Variants in PCM1 observed in about 807,000 individuals in gnomAD.
PCM1 encodes the protein pericentriolar material 1, also known as pericentriolar material 1 protein.
Under a neutral mutation model 241.9 loss-of-function variants are expected in PCM1, and 157 were observed. The ratio of observed to expected loss-of-function variants is 0.65; its 90% CI spans 0.57 to 0.74. The LOEUF (loss-of-function observed/expected upper bound fraction) is 0.74, where lower values mean the gene tolerates loss of function less well. Among genes scored for constraint, PCM1 ranks in the 30% least tolerant of loss-of-function variants. The pLI, the probability that PCM1 is intolerant of heterozygous loss-of-function variation, is 0.00. For synonymous variants in PCM1, 1,085 were observed against 784.9 expected (o/e 1.38, Z -6.39); for missense variants, 3,478 against 2,360.1 (o/e 1.47, Z -9.81).
chr8:18,027,430 A>G (rs1010747989), intron 38 of PCM1, among the ~76,000 whole-genome samples: 2 of 152,214 alleles, frequency 1.3e-5, no homozygotes, highest in Non-Finnish European at 2.9e-5. Flanking sequence ...GACACGAAGT[A>G]TCTGCTCAGT....
At chr8:17,962,339 T>G (rs2072702583) in intron 16 of PCM1, 165 bp downstream of exon 16, 2 of 345,942 alleles carry the variant, frequency 5.8e-6, no homozygotes, top group Non-Finnish European at 1.0e-5. Flanking sequence ...TGTAATAGAT[T>G]ATAATAATAT....
chr8:17,957,162 A>G (rs552533387), intron 11 of PCM1, 102 bp from the exon 12 acceptor site: 11 of 866,198 alleles, frequency 1.3e-5, no homozygotes, highest in African/African-American at 8.4e-5. Flanking sequence ...ATAGCCAACA[A>G]TGTGCTTGGT....
Position 18,029,551 on chromosome 8 carries a change from C to T in PCM1, c.*1889C>T. The T allele has an allele frequency of 4.9e-6, 1 of 205,766 alleles. No homozygotes were observed. The highest frequency in any genetic ancestry group is 9.9e-6 in the Non-Finnish European group (1 of 101,266). 12.7% of individuals were successfully genotyped at this position (205,766 alleles called of 1,614,324 possible). On this transcript the variant is annotated 3_prime_UTR_variant, in exon 39 of 39. Transcript: ENST00000325083. ...ATTGTATTTATATCTTAGTTATTAC[C>T]ATAGTACCTATGAACCTTATCAAAA...
chr8:17,957,172 T>G, intron 11 of PCM1, 92 bp from the exon 12 acceptor site: 3 of 977,886 alleles, frequency 3.1e-6, no homozygotes, highest in Non-Finnish European at 3.0e-6. Context: ...ATGTGCTTGG[T>G]TTGGTGTTAT....
At chr8:17,970,861 A>G (rs1587352886) in intron 22 of PCM1, among the ~76,000 whole-genome samples, 2 of 152,186 alleles carry the variant, frequency 1.3e-5, no homozygotes, top group Admixed American at 1.3e-4. Flanking sequence ...TCATTTCCCA[A>G]AATCTCAACT....
chr8:17,963,871 T>G (rs1307487554), intron 17 of PCM1, among the ~76,000 whole-genome samples: 1 of 152,228 alleles, frequency 6.6e-6, no homozygotes, highest in Admixed American at 6.5e-5. Context: ...AGATGGCATT[T>G]CTGGAATTTC....
intron 13 of PCM1, 34 bp downstream of exon 13, chr8:17,957,809 G>T (rs1406175444): frequency 2.8e-6 from 4 of 1,404,644 alleles, no homozygotes; most frequent in Admixed American, 1.7e-5. Context: ...AAACCTATTT[G>T]TCAAATAGTA....
chr8:17,962,487 G>A, intron 16 of PCM1, among the ~76,000 whole-genome samples: 1 of 152,056 alleles, frequency 6.6e-6, no homozygotes, highest in East Asian at 1.9e-4. Flanking sequence ...GGGGGTAGTT[G>A]CAGCAAATAG....
At chr8:17,983,877 T>C (rs2129476287) in intron 24 of PCM1, among the ~76,000 whole-genome samples, 1 of 152,248 alleles carries the variant, frequency 6.6e-6, no homozygotes, top group South Asian at 2.1e-4. Context: ...ATGGAACCTT[T>C]AGGGGAATCT....
chr8:17,969,664 C>T lies in PCM1; in HGVS notation c.3500C>T (p.Ala1167Val), dbSNP rs1485469583. ...CCCAGTGAACAGCAGCAACCCTTAG[C>T]CCAGAATTCTTCAGGAAAAACAGAA... The part of the protein sequence containing the change: ...STPSEQQQPL[A>V]QNSSGKTEYM... The change falls in exon 22 of 39, where the codon GCC becomes GTC. Residue 1167 changes from alanine to valine, a missense_variant. Physicochemically the swap from Ala to Val is moderately conservative, Grantham distance 64. Transcript: ENST00000325083. The T allele has an allele frequency of 2.5e-6, 4 of 1,612,574 alleles. No individual in the cohort carries two copies. Among genetic ancestry groups the T allele is most frequent in the East Asian group, 2.2e-5 (1 of 44,844 alleles).
At chr8:17,950,871 A>C (rs1391775214) in intron 8 of PCM1, 147 bp downstream of exon 8, 12 of 622,064 alleles carry the variant, frequency 1.9e-5, no homozygotes, top group Non-Finnish European at 3.1e-5. Flanking sequence ...CCACCTTCAA[A>C]ATTACGATTC....
rs980776369 is a variant in PCM1 at position 18,028,990 on chromosome 8, A to G, written c.*1328A>G. 5.1e-4 allele frequency: 91 copies of G among 177,328 alleles called. No homozygotes were observed. The highest frequency in any genetic ancestry group is 2.0e-3 in the African/African-American group (84 of 42,394). The allele number at this position is 177,328 out of a possible 1,614,324, so 11.0% of individuals were successfully genotyped here. ...CATGGGGGAAACCCCGTCTCTACTAAAAATAAAAAAATTAGCTGGGAGAGG... is the reference window on the plus strand; with the variant it reads ...CATGGGGGAAACCCCGTCTCTACTAGAAATAAAAAAATTAGCTGGGAGAGG... On this transcript the variant is annotated 3_prime_UTR_variant, in exon 39 of 39. Transcript: ENST00000325083.
chr8:17,951,649 A>G (rs1055794154), intron 8 of PCM1, among the ~76,000 whole-genome samples: 4 of 152,226 alleles, frequency 2.6e-5, no homozygotes, highest in African/African-American at 9.7e-5. Context: ...TTTTAAAAAA[A>G]GTCTACATTT....
chr8:17,972,071 T>C (rs561767806), intron 22 of PCM1, among the ~76,000 whole-genome samples: 2 of 152,350 alleles, frequency 1.3e-5, no homozygotes, highest in Non-Finnish European at 2.9e-5. Context: ...CTGTTTTCCA[T>C]TGCTAATGCT....
intron 9 of PCM1, among the ~76,000 whole-genome samples, chr8:17,954,504 A>G (rs759525256): frequency 6.6e-6 from 1 of 152,008 alleles, no homozygotes; most frequent in South Asian, 2.1e-4. Context: ...TCAGTTTTGT[A>G]TGCATAAAGT....
rs1238289976 is a variant in PCM1, at chr8:17,966,236, A to G, written c.3075+18A>G. 10 of 1,610,156 alleles carry G rather than the reference A, an allele frequency of 6.2e-6. No homozygotes were observed. The highest frequency in any genetic ancestry group is 8.5e-6 in the Non-Finnish European group (10 of 1,177,028). On this transcript the variant is annotated intron_variant, in intron 19 of 38. Transcript: ENST00000325083. ...ACCAGCAGGTAAAATTTGCTATGAA[A>G]GTATATTTTTCGTCTATTTTTATAA...
intron 3 of PCM1, 61 bp from the exon 4 acceptor site, chr8:17,937,073 A>G (rs999122365): frequency 7.6e-7 from 1 of 1,321,080 alleles, no homozygotes; most frequent in South Asian, 1.5e-5. Flanking sequence ...TTTTAATTAT[A>G]CCAATCTATT....
intron 38 of PCM1, among the ~76,000 whole-genome samples, chr8:18,025,976 A>C (rs2094162500): frequency 6.6e-6 from 1 of 151,720 alleles, no homozygotes; most frequent in Non-Finnish European, 1.5e-5. Context: ...CATCCTGGCT[A>C]ACATGGTGAA....
chr8:17,978,751 TAAAGAA>T (rs2079626624), intron 23 of PCM1, among the ~76,000 whole-genome samples: 1 of 152,048 alleles, frequency 6.6e-6, no homozygotes, highest in South Asian at 2.1e-4. Context: ...AACAGTTTAA[TAAAGAA>T]AACAGTAGAT....
Sources: allele counts gnomAD v4.1 joint callset (sites outside exome capture counted in the v4.1 genomes callset), GRCh38; gene constraint gnomAD v4.1.1; transcripts MANE v1.5; gene names NCBI Gene and HGNC (gene_info 2026-07-23, HGNC 2026-07-21).